SLC7A1: variants seen among roughly 807,000 people sequenced by gnomAD.
The protein encoded by SLC7A1 is solute carrier family 7 member 1.
Under a neutral mutation model 53.9 loss-of-function variants are expected in SLC7A1, and 10 were observed. The ratio of observed to expected loss-of-function variants is 0.19; its 90% CI spans 0.11 to 0.31. The LOEUF (loss-of-function observed/expected upper bound fraction) is 0.31. SLC7A1 is among the 10% of genes least tolerant of loss of function. The probability of loss-of-function intolerance (pLI) is 1.00; values close to 1 mark genes in which losing one functional copy is unlikely to be tolerated. For missense variants in SLC7A1, 525 were observed against 827.2 expected, an observed-to-expected ratio of 0.63 and a Z score of 4.48; for synonymous variants, 342 against 338.7, an observed-to-expected ratio of 1.01 and a Z score of -0.11.
chr13:29,517,688 C>A lies in SLC7A1; in HGVS notation c.1395G>T (p.Gln465His). The change falls in exon 10 of 13, where the codon CAG becomes CAT. Residue 465 changes from glutamine to histidine, a missense_variant. Gln to His is a conservative substitution (Grantham distance 24). Coordinates refer to ENST00000380752, the MANE Select transcript of SLC7A1 (RefSeq NM_003045.5). The stretch of plus-strand genomic sequence containing the variant: ...TCTCTGCCTCTGGTAAAAAGCCCAG[C>A]TGGGAATCATTGGTGCTTGCCAATT... Reference protein sequence around the residue: ...QNELASTNDSQLGFLPEAEMF... With the variant: ...QNELASTNDSHLGFLPEAEMF... 2 of 1,614,234 alleles carry A rather than the reference C, an allele frequency of 1.2e-6. No individual in the cohort carries two copies. The highest frequency in any genetic ancestry group is 1.7e-6 in the Non-Finnish European group (2 of 1,180,028).
intron 2 of SLC7A1, among the ~76,000 whole-genome samples, chr13:29,550,889 G>A (rs773029060): frequency 6.6e-6 from 1 of 152,228 alleles, no homozygotes; most frequent in Non-Finnish European, 1.5e-5. Context: ...GAGTGAACTG[G>A]TGTTCATTTG....
chr13:29,538,211 CGCAGTCCTCCTCTGGAGTTCCG>C (rs1675016110), intron 2 of SLC7A1, among the ~76,000 whole-genome samples: 1 of 152,152 alleles, frequency 6.6e-6, no homozygotes, highest in Admixed American at 6.5e-5. Flanking sequence ...GCTCTGCAGG[CGCAGTCCTCCTCTGGAGTTCCG>C]GCAGTATCAC....
At chr13:29,594,772 T>G (rs1256377633) in intron 1 of SLC7A1, among the ~76,000 whole-genome samples, 1 of 151,980 alleles carries the variant, frequency 6.6e-6, no homozygotes, top group African/African-American at 2.4e-5. Context: ...AGACGAGAGG[T>G]GCAGGCGGCG....
At chr13:29,556,247 TCTCA>T (rs951449780) in intron 1 of SLC7A1, among the ~76,000 whole-genome samples, 11 of 152,098 alleles carry the variant, frequency 7.2e-5, no homozygotes, top group African/African-American at 2.7e-4. Context: ...ATGCCACTCT[TCTCA>T]CTGATTTTTT....
intron 1 of SLC7A1, among the ~76,000 whole-genome samples, chr13:29,584,400 G>A (rs1022537522): frequency 6.6e-6 from 1 of 152,100 alleles, no homozygotes; most frequent in Non-Finnish European, 1.5e-5. Flanking sequence ...GCCTGCCTCG[G>A]CCTCCCAAAG....
chr13:29,594,973 G>T (rs999565207), intron 1 of SLC7A1, among the ~76,000 whole-genome samples: 3 of 151,742 alleles, frequency 2.0e-5, no homozygotes, highest in Non-Finnish European at 2.9e-5. Context: ...GCTCTGCACC[G>T]CGCCATGTAA....
Position 29,584,228 on chromosome 13 carries a change from C to T in SLC7A1, c.-115+11188G>A, listed in dbSNP as rs111390240. ...TCCTGGGCTTAAGTGATTCTCCTGC[C>T]TCAATCTCCCTAGTAGCTGGGACCC... On this transcript the variant is annotated intron_variant, in intron 1 of 12. Transcript: ENST00000380752. 4.8e-3 allele frequency among the ~76,000 whole-genome samples: 723 copies of T among 152,168 alleles called. 9 individuals carry two copies. The highest frequency in any genetic ancestry group is 0.016 in the African/African-American group (668 of 41,510).
intron 1 of SLC7A1, among the ~76,000 whole-genome samples, chr13:29,579,222 G>A (rs1871538591): frequency 1.3e-5 from 2 of 152,190 alleles, no homozygotes; most frequent in Admixed American, 1.3e-4. Context: ...TGGTGAGATA[G>A]TATGGAACTG....
At chr13:29,590,938 T>A (rs567494509) in intron 1 of SLC7A1, among the ~76,000 whole-genome samples, 31 of 152,102 alleles carry the variant, frequency 2.0e-4, no homozygotes, top group Admixed American at 1.6e-3. Context: ...ATCCCTTCTC[T>A]ACCAAAAAAT....
chr13:29,565,537 C>T (rs564634029), intron 1 of SLC7A1, among the ~76,000 whole-genome samples: 18 of 152,292 alleles, frequency 1.2e-4, no homozygotes, highest in East Asian at 3.9e-4. Context: ...AGGTCTATGA[C>T]GGTCTTCCTT....
intron 12 of SLC7A1, among the ~76,000 whole-genome samples, chr13:29,515,865 T>C (rs1593537476): frequency 6.6e-6 from 1 of 152,206 alleles, no homozygotes; most frequent in Non-Finnish European, 1.5e-5. Context: ...CTGTCTGGGG[T>C]GAAAATAACT....
intron 1 of SLC7A1, among the ~76,000 whole-genome samples, chr13:29,589,413 A>C (rs549105654): frequency 6.6e-6 from 1 of 152,350 alleles, no homozygotes; most frequent in African/African-American, 2.4e-5. Context: ...CATCCAGCCA[A>C]AGGCTGGTGA....
At chr13:29,571,976 T>A (rs1871214086) in intron 1 of SLC7A1, among the ~76,000 whole-genome samples, 1 of 152,178 alleles carries the variant, frequency 6.6e-6, no homozygotes, top group Non-Finnish European at 1.5e-5. Context: ...CCACTCTTCT[T>A]TGTTGACCTT....
intron 1 of SLC7A1, among the ~76,000 whole-genome samples, chr13:29,557,340 A>G (rs1870482618): frequency 6.6e-6 from 1 of 152,096 alleles, no homozygotes; most frequent in South Asian, 2.1e-4. Context: ...GTTCTGAGAA[A>G]TGCACCTTTA....
At chr13:29,580,592 A>G (rs1241983993) in intron 1 of SLC7A1, among the ~76,000 whole-genome samples, 1 of 152,156 alleles carries the variant, frequency 6.6e-6, no homozygotes, top group Non-Finnish European at 1.5e-5. Context: ...CTAAACAATC[A>G]AGACATGTCT....
At chr13:29,594,896 G>C (rs1872245796) in intron 1 of SLC7A1, among the ~76,000 whole-genome samples, 1 of 152,110 alleles carries the variant, frequency 6.6e-6, no homozygotes, top group South Asian at 2.1e-4. Flanking sequence ...ACCACCCTCC[G>C]GGCGGCCGGG....
chr13:29,516,108 C>G (rs1883546748), intron 12 of SLC7A1, 30 bp downstream of exon 12: 2 of 1,429,516 alleles, frequency 1.4e-6, no homozygotes, highest in Admixed American at 3.4e-5. Context: ...AAGCCAGGAT[C>G]TTGGACGTGC....
chr13:29,517,597 CAATT>C lies in SLC7A1; in HGVS notation c.1482_1485del (p.Ile495Ter). ...CCTATGAGGCTGGTTGAAATGTTCA[CAATT>C]AGCCCAGAGATTTTGGAAGGCTCCA... On this transcript the variant is annotated frameshift_variant, in exon 10 of 13. Transcript: ENST00000380752. LOFTEE classifies it high-confidence loss of function. 1 of 1,614,118 alleles carries C rather than the reference CAATT, an allele frequency of 6.2e-7. No homozygotes were observed. Among genetic ancestry groups the C allele is most frequent in the Non-Finnish European group, 8.5e-7 (1 of 1,179,938 alleles).
intron 2 of SLC7A1, among the ~76,000 whole-genome samples, chr13:29,553,285 CAG>C (rs1453766497): frequency 2.0e-5 from 3 of 152,186 alleles, no homozygotes; most frequent in Non-Finnish European, 2.9e-5. Flanking sequence ...CCAAGAGTCA[CAG>C]AGAGAAACAT....
Sources: gnomAD v4.1 joint callset for allele counts (sites outside exome capture counted in the v4.1 genomes callset) on GRCh38, gnomAD v4.1.1 for gene constraint, MANE v1.5 for transcripts, NCBI Gene and HGNC (gene_info 2026-07-23, HGNC 2026-07-21) for gene names.